PSD3: variants seen among roughly 807,000 people sequenced by gnomAD.
PSD3 encodes pleckstrin and Sec7 domain containing 3.
PSD3 carries 49 observed loss-of-function variants against 105.5 expected under a neutral mutation model. The observed-to-expected ratio is 0.46, with a 90% CI of 0.37 to 0.59. The LOEUF (loss-of-function observed/expected upper bound fraction) is 0.59. Among genes scored for constraint, PSD3 ranks in the 20% least tolerant of loss-of-function variants. PSD3 has a pLI of 0.00. For missense variants in PSD3, 1,561 were observed against 1,263.8 expected (o/e 1.24, Z -3.57); for synonymous variants, 557 against 457.8 (o/e 1.22, Z -2.77).
intron 1 of PSD3, among the ~76,000 whole-genome samples, chr8:18,947,740 C>A (rs1822958731): frequency 6.6e-6 from 1 of 152,098 alleles, no homozygotes; most frequent in Non-Finnish European, 1.5e-5. Context: ...AGATTCTATC[C>A]CCCTTCTAGG....
intron 2 of PSD3, among the ~76,000 whole-genome samples, chr8:18,922,077 T>A (rs1207968651): frequency 6.6e-6 from 1 of 152,192 alleles, no homozygotes; most frequent in East Asian, 1.9e-4. Flanking sequence ...GGAAAAGATA[T>A]TTCCTACCTA....
chr8:18,885,282 G>C (rs1818383694), intron 2 of PSD3, among the ~76,000 whole-genome samples: 1 of 151,726 alleles, frequency 6.6e-6, no homozygotes, highest in South Asian at 2.1e-4. Flanking sequence ...TGACTCTTTA[G>C]TTTTAATTTT....
chr8:19,049,440 A>T (rs750669479), intron 1 of PSD3, among the ~76,000 whole-genome samples: 6 of 152,152 alleles, frequency 3.9e-5, no homozygotes, highest in Non-Finnish European at 7.3e-5. Context: ...CTGCAATCTC[A>T]GTGCTCTGGG....
At chr8:18,723,371 T>C (rs1803131331) in intron 9 of PSD3, among the ~76,000 whole-genome samples, 1 of 152,230 alleles carries the variant, frequency 6.6e-6, no homozygotes, top group Non-Finnish European at 1.5e-5. Context: ...ATGGATTTAA[T>C]TTTTCTTTCA....
rs1466474635 is a variant in PSD3 at position 18,535,313 on chromosome 8, C to G, written c.*430G>C. 6 of 182,958 alleles carry G rather than the reference C, an allele frequency of 3.3e-5. No homozygotes were observed. Among genetic ancestry groups the G allele is most frequent in the Admixed American group, 2.2e-4 (4 of 18,488 alleles). The allele number at this position is 182,958 out of a possible 1,614,324, so 11.3% of individuals were successfully genotyped here. A position where few individuals can be genotyped will look rare whatever the true frequency, so the allele number is the denominator to read the frequency against. ...CTGGGCAAGATTTCACATATAAAGG[C>G]GTATATTAACTCCAGCTAGAATTTA... On this transcript the variant is annotated 3_prime_UTR_variant, in exon 16 of 16. Transcript: ENST00000327040.
rs375762336 is a variant in PSD3, at chr8:18,829,491, A to G, written c.1635-24593T>C. On this transcript the variant is annotated intron_variant, in intron 4 of 15. Transcript: ENST00000327040. ...ATAGAATCCCGTCCATCAACGCCCTAGCATGCTGTTCCAGATTTGCTGCGT... is the reference window on the plus strand; with the variant it reads ...ATAGAATCCCGTCCATCAACGCCCTGGCATGCTGTTCCAGATTTGCTGCGT... 3.0e-4 allele frequency among the ~76,000 whole-genome samples: 45 copies of G among 152,188 alleles called. No homozygotes were observed. The East Asian group carries it at 3.3e-3, about 11-fold the overall frequency.
intron 4 of PSD3, among the ~76,000 whole-genome samples, chr8:18,806,059 T>C (rs1811167072): frequency 6.6e-6 from 1 of 152,206 alleles, no homozygotes; most frequent in Non-Finnish European, 1.5e-5. Flanking sequence ...TATTCCCATT[T>C]CATCACACAC....
At chr8:18,573,395 G>A (rs1802270729) in intron 13 of PSD3, among the ~76,000 whole-genome samples, 1 of 152,136 alleles carries the variant, frequency 6.6e-6, no homozygotes, top group Non-Finnish European at 1.5e-5. Flanking sequence ...ACTTGTACCT[G>A]GGAGGCGGAG....
At chr8:19,015,965 A>G (rs1227746092), upstream of PSD3, among the ~76,000 whole-genome samples, 3 of 152,226 alleles carry the variant, frequency 2.0e-5, no homozygotes, top group Non-Finnish European at 4.4e-5. Context: ...TCCAGTTATA[A>G]ATAATCAAAG....
At chr8:19,010,582 C>T (rs1826906976) in intron 1 of PSD3, among the ~76,000 whole-genome samples, 3 of 152,162 alleles carry the variant, frequency 2.0e-5, no homozygotes, top group South Asian at 2.1e-4. Flanking sequence ...TACAACACTA[C>T]TTAATTTGGA....
chr8:18,677,328 A>G (rs1800114512), intron 9 of PSD3, among the ~76,000 whole-genome samples: 1 of 152,218 alleles, frequency 6.6e-6, no homozygotes, highest in African/African-American at 2.4e-5. Flanking sequence ...CTTGAATGCC[A>G]GCACTTTTGG....
intron 1 of PSD3, among the ~76,000 whole-genome samples, chr8:18,996,668 C>A (rs1278785879): frequency 6.6e-6 from 1 of 151,920 alleles, no homozygotes; most frequent in East Asian, 1.9e-4. Context: ...TTACTTCCTG[C>A]ATTTTTAAAA....
At chr8:18,833,785 T>TGAAAGAAAAAATAGAAAAAGGTA (rs1413097221) in intron 4 of PSD3, among the ~76,000 whole-genome samples, 1 of 151,644 alleles carries the variant, frequency 6.6e-6, no homozygotes, top group African/African-American at 2.4e-5. Context: ...GAAAAAGAAA[T>TGAAAGAAAAAATAGAAAAAGGTA]GAAAGAAAAA....
At chr8:18,804,010 T>A (rs77501580) in intron 6 of PSD3, among the ~76,000 whole-genome samples, 21,570 of 152,224 alleles carry the variant, frequency 0.14, 1,983 homozygotes, top group South Asian at 0.28. Context: ...TTATCCAGAT[T>A]TGCTTTGCTA....
At chr8:18,882,348 G>A (rs923553168) in intron 2 of PSD3, among the ~76,000 whole-genome samples, 4 of 152,136 alleles carry the variant, frequency 2.6e-5, no homozygotes, top group African/African-American at 9.7e-5. Flanking sequence ...AAAGGATTCA[G>A]GAAACAGTAG....
At chr8:18,969,728 A>G (rs571431558) in intron 1 of PSD3, among the ~76,000 whole-genome samples, 5 of 152,348 alleles carry the variant, frequency 3.3e-5, no homozygotes, top group African/African-American at 1.2e-4. Context: ...TCCTGTAAAC[A>G]TACCTGTAAG....
At chr8:18,596,817 T>C (rs1466758861) in intron 12 of PSD3, among the ~76,000 whole-genome samples, 1 of 152,092 alleles carries the variant, frequency 6.6e-6, no homozygotes, top group Non-Finnish European at 1.5e-5. Flanking sequence ...AATAAGGGGA[T>C]TGAATCTGTA....
At chr8:18,946,261 G>A (rs1822848678) in intron 1 of PSD3, among the ~76,000 whole-genome samples, 2 of 152,272 alleles carry the variant, frequency 1.3e-5, no homozygotes, top group South Asian at 2.1e-4. Context: ...GTCCTAGCAT[G>A]TGTAGCATTT....
At chr8:18,777,083 C>G (rs73199991) in intron 8 of PSD3, among the ~76,000 whole-genome samples, 127 of 152,134 alleles carry the variant, frequency 8.3e-4, no homozygotes, top group Middle Eastern at 3.4e-3. Flanking sequence ...ACCTCTATTG[C>G]CCAGACTGGA....
Sources: gnomAD v4.1 joint callset for allele counts (sites outside exome capture counted in the v4.1 genomes callset) on GRCh38, gnomAD v4.1.1 for gene constraint, MANE v1.5 for transcripts, NCBI Gene and HGNC (gene_info 2026-07-23, HGNC 2026-07-21) for gene names.